TAX1BP1: variants seen among roughly 807,000 people sequenced by gnomAD.
TAX1BP1 encodes the protein tax1-binding protein 1.
A neutral mutation model predicts 97.7 loss-of-function variants in TAX1BP1; 62 were observed. The observed-to-expected ratio is 0.63, with a 90% CI of 0.52 to 0.78. The LOEUF (loss-of-function observed/expected upper bound fraction) is 0.78, where lower values mean the gene tolerates loss of function less well. Among genes scored for constraint, TAX1BP1 ranks in the 30% least tolerant of loss-of-function variants. TAX1BP1 has a pLI of 0.00. For synonymous variants in TAX1BP1, 340 were observed against 304.2 expected (o/e 1.12, Z -1.23); for missense variants, 867 against 916.1 (o/e 0.95, Z 0.69).
intron 1 of TAX1BP1, among the ~76,000 whole-genome samples, chr7:27,742,054 C>G (rs1454133919): frequency 6.6e-6 from 1 of 152,220 alleles, no homozygotes; most frequent in African/African-American, 2.4e-5. Context: ...GCGGTTTTTC[C>G]CTATCTCAGT....
At chr7:27,763,993 T>TA (rs1256254298) in intron 3 of TAX1BP1, among the ~76,000 whole-genome samples, 3 of 152,368 alleles carry the variant, frequency 2.0e-5, no homozygotes, top group South Asian at 2.1e-4. Context: ...ATGTCTATGA[T>TA]ATTTATTTAA....
At chr7:27,761,183 C>G (rs1000671189) in intron 3 of TAX1BP1, among the ~76,000 whole-genome samples, 4 of 152,094 alleles carry the variant, frequency 2.6e-5, no homozygotes, top group African/African-American at 9.7e-5. Context: ...AATTAACATA[C>G]TTTTTTGGAG....
chr7:27,802,557 G>A (rs986433889), intron 13 of TAX1BP1, among the ~76,000 whole-genome samples: 7 of 152,192 alleles, frequency 4.6e-5, no homozygotes, highest in African/African-American at 1.4e-4. Flanking sequence ...GGGGAGTGGA[G>A]AAAGAGGAAA....
At chr7:27,761,101 TG>T (rs1362582618) in intron 3 of TAX1BP1, among the ~76,000 whole-genome samples, 7 of 152,214 alleles carry the variant, frequency 4.6e-5, no homozygotes, top group African/African-American at 1.7e-4. Context: ...TGGATTTTGG[TG>T]ACATGTGCAG....
At chr7:27,803,024 G>A (rs1048921910) in intron 13 of TAX1BP1, 40 of 1,280,884 alleles carry the variant, frequency 3.1e-5, no homozygotes, top group South Asian at 2.4e-4. Context: ...AATTATTTTC[G>A]TAAAACAGTA....
chr7:27,809,929 G>A (rs1037220144), intron 13 of TAX1BP1, among the ~76,000 whole-genome samples: 7 of 150,364 alleles, frequency 4.7e-5, no homozygotes, highest in Admixed American at 4.6e-4. Context: ...TTTGGGAGAC[G>A]GAGAATCTTG....
chr7:27,782,245 T>G (rs1339772222), intron 5 of TAX1BP1, among the ~76,000 whole-genome samples: 1 of 152,104 alleles, frequency 6.6e-6, no homozygotes, highest in Admixed American at 6.6e-5. Flanking sequence ...TTATTTTATT[T>G]TATTTTTTTG....
intron 10 of TAX1BP1, among the ~76,000 whole-genome samples, 159 bp from the exon 11 acceptor site, chr7:27,794,164 T>C (rs1789826508): frequency 6.6e-6 from 1 of 152,242 alleles, no homozygotes. Flanking sequence ...ATGATGTGTA[T>C]AACTTTAGTC....
chr7:27,783,879 A>C (rs1277161037), intron 5 of TAX1BP1, among the ~76,000 whole-genome samples: 1 of 152,214 alleles, frequency 6.6e-6, no homozygotes, highest in African/African-American at 2.4e-5. Context: ...ATTGCAGAGG[A>C]AATAAATATT....
At chr7:27,819,569 C>T (rs1352477025) in intron 15 of TAX1BP1, among the ~76,000 whole-genome samples, 3 of 152,124 alleles carry the variant, frequency 2.0e-5, no homozygotes, top group East Asian at 3.9e-4. Flanking sequence ...TAGTTGTTCA[C>T]GTGGTATATG....
chr7:27,774,979 G>A (rs906063120), intron 5 of TAX1BP1, among the ~76,000 whole-genome samples: 6 of 152,042 alleles, frequency 3.9e-5, no homozygotes, highest in Non-Finnish European at 7.4e-5. Flanking sequence ...GAAAAAAGAA[G>A]TTTAATACCT....
At chr7:27,810,822 C>T (rs1016822002) in intron 13 of TAX1BP1, among the ~76,000 whole-genome samples, 1 of 152,082 alleles carries the variant, frequency 6.6e-6, no homozygotes, top group Non-Finnish European at 1.5e-5. Context: ...TTTTACCAAG[C>T]CTGAAATACG....
chr7:27,808,159 T>G (rs1313222650), intron 13 of TAX1BP1, among the ~76,000 whole-genome samples: 1 of 152,168 alleles, frequency 6.6e-6, no homozygotes, highest in Non-Finnish European at 1.5e-5. Context: ...GTACCCTCAT[T>G]GATTCAAAGT....
At chr7:27,791,866 A>T in intron 8 of TAX1BP1, 140 bp from the exon 9 acceptor site, 1 of 692,402 alleles carries the variant, frequency 1.4e-6, no homozygotes, top group Non-Finnish European at 2.4e-6. Context: ...AGTTTTTTGT[A>T]GGCATATACT....
chr7:27,791,003 T>A (rs889868620), intron 8 of TAX1BP1, among the ~76,000 whole-genome samples: 42 of 152,292 alleles, frequency 2.8e-4, no homozygotes, highest in African/African-American at 9.4e-4. Flanking sequence ...TGACTTTTGT[T>A]TTGTTTCTCC....
At chr7:27,817,070 C>T (rs747932520) in intron 15 of TAX1BP1, 32 bp downstream of exon 15, 2 of 1,585,926 alleles carry the variant, frequency 1.3e-6, no homozygotes, top group South Asian at 1.1e-5. Flanking sequence ...TGAGCCTGTC[C>T]CTTTTTTATT....
intron 13 of TAX1BP1, among the ~76,000 whole-genome samples, chr7:27,811,141 A>G (rs866483860): frequency 3.5e-4 from 53 of 152,188 alleles, no homozygotes; most frequent in African/African-American, 1.2e-3. Context: ...GTTACATAAT[A>G]GATGGTGTGC....
chr7:27,766,419 C>CAAAAAAAAAAAAA (rs201297532), intron 4 of TAX1BP1, among the ~76,000 whole-genome samples: 3 of 76,886 alleles, frequency 3.9e-5, no homozygotes, highest in African/African-American at 6.1e-5. Flanking sequence ...GACTCCGTAT[C>CAAAAAAAAAAAAA]AAAAAAAAAA....
chr7:27,769,536 TTGATATAAAGTAGGTAGAA>T, intron 4 of TAX1BP1, 121 bp from the exon 5 acceptor site: 1 of 613,812 alleles, frequency 1.6e-6, no homozygotes. Context: ...AAAAGGCTGA[TTGATATAAAGTAGGTAGAA>T]TGTAAGAGTT....
Sources: gnomAD v4.1 joint callset for allele counts (sites outside exome capture counted in the v4.1 genomes callset) on GRCh38, gnomAD v4.1.1 for gene constraint, MANE v1.5 for transcripts, NCBI Gene and HGNC (gene_info 2026-07-23, HGNC 2026-07-21) for gene names.